The following UBXN2A variants were observed in gnomAD, a reference collection of about 807,000 sequenced individuals.
UBXN2A encodes the protein UBX domain-containing protein 2A.
A neutral mutation model predicts 28.4 loss-of-function variants in UBXN2A; 28 were observed. The observed-to-expected ratio is 0.99, with a 90% confidence interval of 0.73 to 1.35. The LOEUF (loss-of-function observed/expected upper bound fraction) is 1.35, where lower values mean the gene tolerates loss of function less well. Ranked by LOEUF, UBXN2A falls within the 40% of genes most tolerant of loss-of-function variation. The pLI, the probability that UBXN2A is intolerant of heterozygous loss-of-function variation, is 0.00. For missense variants in UBXN2A, 253 were observed against 297.9 expected (o/e 0.85, Z 1.11); for synonymous variants, 97 against 103.6 (o/e 0.94, Z 0.39).
rs983998122 is a variant in UBXN2A at position 24,002,424 on chromosome 2, T to C, written c.*2557T>C. 1.1e-4 allele frequency: 16 copies of C among 151,884 alleles called. No individual in the cohort carries two copies. The highest frequency in any genetic ancestry group is 2.0e-4 in the Admixed American group (3 of 15,250). The allele number at this position is 151,884 out of a possible 1,614,324, so 9.4% of individuals were successfully genotyped here. A position where few individuals can be genotyped will look rare whatever the true frequency, so the allele number is the denominator to read the frequency against. ...TGCCGTAATAATAATAACTTTTTTT[T>C]TTTTGAGATAGAGTTTTGCTCTTTC... On this transcript the variant is annotated 3_prime_UTR_variant, in exon 7 of 7. Coordinates refer to ENST00000309033, the MANE Select transcript of UBXN2A (RefSeq NM_181713.4).
chr2:23,935,706 G>C (rs1489473566), upstream of UBXN2A, among the ~76,000 whole-genome samples: 3 of 152,276 alleles, frequency 2.0e-5, no homozygotes, highest in Non-Finnish European at 2.9e-5. Context: ...ACTGGTCCTT[G>C]AAAAGTTAAA....
At chr2:23,950,629 C>T (rs990253564) in intron 1 of UBXN2A, among the ~76,000 whole-genome samples, 30 of 151,864 alleles carry the variant, frequency 2.0e-4, no homozygotes, top group African/African-American at 6.8e-4. Context: ...GTCTCGAACT[C>T]CTGACCTCAA....
In UBXN2A at chr2:23,958,373, G is replaced by T; in HGVS notation, c.41+18G>T. On this transcript the variant is annotated intron_variant, in intron 2 of 6. Transcript: ENST00000309033. ...GAAGAATGGTAAGTTAATTCAAACT[G>T]AATTGCTTTGTTAATGCCTTTGTTA... 1 of 1,594,050 alleles carries T rather than the reference G, an allele frequency of 6.3e-7. No individual in the cohort carries two copies. The highest frequency in any genetic ancestry group is 1.2e-5 in the South Asian group (1 of 86,466).
At chr2:23,995,115 T>G (rs1385264989) in intron 6 of UBXN2A, among the ~76,000 whole-genome samples, 1 of 152,222 alleles carries the variant, frequency 6.6e-6, no homozygotes, top group Non-Finnish European at 1.5e-5. Context: ...CTTAAGAATT[T>G]GTTACGGTTT....
chr2:23,936,184 A>T (rs1190912641), upstream of UBXN2A, among the ~76,000 whole-genome samples: 3 of 152,230 alleles, frequency 2.0e-5, no homozygotes, highest in African/African-American at 7.2e-5. Flanking sequence ...GATAGCAGAA[A>T]GGTGGAAGCA....
intron 2 of UBXN2A, among the ~76,000 whole-genome samples, chr2:23,960,633 A>C (rs1254787635): frequency 1.3e-5 from 2 of 152,006 alleles, no homozygotes; most frequent in Non-Finnish European, 2.9e-5. Context: ...GACAACCATG[A>C]AACTGCTTTC....
intron 4 of UBXN2A, among the ~76,000 whole-genome samples, chr2:23,978,038 G>A (rs1008355744): frequency 1.3e-5 from 2 of 151,988 alleles, no homozygotes; most frequent in Admixed American, 1.3e-4. Flanking sequence ...ATGTTGGCCA[G>A]GCTAGTCTTG....
chr2:23,989,064 A>G (rs1191126040), intron 6 of UBXN2A, among the ~76,000 whole-genome samples: 1 of 152,136 alleles, frequency 6.6e-6, no homozygotes, highest in African/African-American at 2.4e-5. Flanking sequence ...TCAGGATACC[A>G]CTGCTTCCAG....
chr2:23,968,031 C>G (rs1343583814), intron 2 of UBXN2A, among the ~76,000 whole-genome samples: 1 of 151,908 alleles, frequency 6.6e-6, no homozygotes, highest in Non-Finnish European at 1.5e-5. Context: ...ACACTACAGC[C>G]TCAAACTCCT....
chr2:23,980,667 G>A (rs1487068069), intron 4 of UBXN2A, among the ~76,000 whole-genome samples: 4 of 151,736 alleles, frequency 2.6e-5, no homozygotes, highest in Middle Eastern at 3.2e-3. Flanking sequence ...TTGCTCTGTC[G>A]GCGAGGCTGG....
chr2:23,996,993 A>C (rs79327165), intron 6 of UBXN2A: 3 of 152,160 alleles, frequency 2.0e-5, no homozygotes, highest in African/African-American at 7.2e-5. Flanking sequence ...TTGCCATAGC[A>C]CACTACAGCC....
At chr2:23,995,563 G>A (rs1708497526) in intron 6 of UBXN2A, among the ~76,000 whole-genome samples, 2 of 151,808 alleles carry the variant, frequency 1.3e-5, no homozygotes, top group Admixed American at 1.3e-4. Flanking sequence ...CGTGGTAGCG[G>A]GCGTCTGTAG....
chr2:23,958,722 C>T (rs1156732220), intron 2 of UBXN2A, among the ~76,000 whole-genome samples: 1 of 152,050 alleles, frequency 6.6e-6, no homozygotes, highest in Non-Finnish European at 1.5e-5. Context: ...CCGTCTCTGC[C>T]TTCTATTATC....
intron 1 of UBXN2A, among the ~76,000 whole-genome samples, chr2:23,953,589 C>T (rs969790744): frequency 2.6e-5 from 4 of 152,066 alleles, no homozygotes; most frequent in African/African-American, 9.7e-5. Context: ...CTTTTTTTTA[C>T]GGTTGATTTG....
intron 1 of UBXN2A, among the ~76,000 whole-genome samples, chr2:23,942,967 C>CTTT (rs531627035): frequency 6.9e-6 from 1 of 145,092 alleles, no homozygotes; most frequent in Non-Finnish European, 1.5e-5. Context: ...CTACAAACAA[C>CTTT]TTTTTTTTTT....
Position 23,956,503 on chromosome 2 carries a change from C to A in UBXN2A, c.-14-1798C>A, listed in dbSNP as rs760124094. On this transcript the variant is annotated intron_variant, in intron 1 of 6. Coordinates refer to ENST00000309033, the MANE Select transcript of UBXN2A (RefSeq NM_181713.4). ...TAGTAGCTGGGATTACTTGCGCCGA[C>A]CACCATGCCTGGCTAATTTTTGTAT... Among the ~76,000 whole-genome samples the A allele has an allele frequency of 2.0e-5, 3 of 152,120 alleles. No homozygotes were observed. The South Asian group carries it at 6.2e-4, about 32-fold the overall frequency.
chr2:23,953,887 A>G (rs1478357870), intron 1 of UBXN2A, among the ~76,000 whole-genome samples: 2 of 152,196 alleles, frequency 1.3e-5, no homozygotes, highest in Non-Finnish European at 2.9e-5. Context: ...AGATGATGGT[A>G]CAAGCTTTTA....
At chr2:23,937,859 AC>A (rs748222119), upstream of UBXN2A, among the ~76,000 whole-genome samples, 1 of 152,176 alleles carries the variant, frequency 6.6e-6, no homozygotes, top group Non-Finnish European at 1.5e-5. Flanking sequence ...ACTTACACAA[AC>A]CTGGATGGTA....
intron 1 of UBXN2A, among the ~76,000 whole-genome samples, chr2:23,942,312 C>T (rs901427432): frequency 1.3e-5 from 2 of 150,658 alleles, no homozygotes; most frequent in African/African-American, 2.4e-5. Flanking sequence ...AAATAGATGG[C>T]GCGGAGGCTA....
Sources: allele counts gnomAD v4.1 joint callset (sites outside exome capture counted in the v4.1 genomes callset), GRCh38; gene constraint gnomAD v4.1.1; transcripts MANE v1.5; gene names NCBI Gene and HGNC (gene_info 2026-07-23, HGNC 2026-07-21).